PDE4B: variants seen among roughly 807,000 people sequenced by gnomAD.
The protein encoded by PDE4B is 3',5'-cyclic-AMP phosphodiesterase 4B.
In PDE4B, 20 loss-of-function variants were observed where a neutral mutation model predicts 82.2. That is an observed-to-expected ratio of 0.24 (90% CI 0.17 to 0.35). The LOEUF (loss-of-function observed/expected upper bound fraction) is 0.35, where lower values mean the gene tolerates loss of function less well. Ranked by LOEUF, PDE4B falls within the 10% of genes least tolerant of loss-of-function variation. The probability of loss-of-function intolerance (pLI) is 1.00; values close to 1 mark genes in which losing one functional copy is unlikely to be tolerated. For synonymous variants in PDE4B, 320 were observed against 318.9 expected, an observed-to-expected ratio of 1.00 and a Z score of -0.04; for missense variants, 655 against 907.2, an observed-to-expected ratio of 0.72 and a Z score of 3.57.
intron 3 of PDE4B, among the ~76,000 whole-genome samples, chr1:65,921,804 C>T (rs17451403): frequency 0.18 from 26,865 of 152,090 alleles, 3,018 homozygotes; most frequent in South Asian, 0.24. Context: ...ATCTCTAAGA[C>T]GTGATCCTAG....
chr1:66,198,225 T>G (rs1363944633), intron 3 of PDE4B, among the ~76,000 whole-genome samples: 1 of 152,188 alleles, frequency 6.6e-6, no homozygotes, highest in Non-Finnish European at 1.5e-5. Flanking sequence ...AAATCATTTC[T>G]TAAACCTAAT....
chr1:65,865,745 G>A (rs1002731469), intron 1 of PDE4B, among the ~76,000 whole-genome samples: 5 of 152,142 alleles, frequency 3.3e-5, no homozygotes, highest in African/African-American at 4.8e-5. Flanking sequence ...GATGAACTGG[G>A]TACCTCAGTT....
At chr1:66,361,516 G>T in intron 9 of PDE4B, 99 bp from the exon 10 acceptor site, 1 of 869,498 alleles carries the variant, frequency 1.2e-6, no homozygotes, top group Non-Finnish European at 1.8e-6. Context: ...TATTTTATAA[G>T]ATTCTAAAGC....
intron 7 of PDE4B, among the ~76,000 whole-genome samples, chr1:66,323,237 A>G (rs1331280829): frequency 2.6e-5 from 4 of 152,092 alleles, no homozygotes; most frequent in East Asian, 1.9e-4. Flanking sequence ...GTTCATGAGC[A>G]TACTCTGATG....
At chr1:65,982,238 G>C (rs1319054876) in intron 3 of PDE4B, among the ~76,000 whole-genome samples, 1 of 152,180 alleles carries the variant, frequency 6.6e-6, no homozygotes, top group Non-Finnish European at 1.5e-5. Flanking sequence ...TGGCCTACTT[G>C]TGTTCTAGTT....
At chr1:66,201,257 A>C (rs1164468936) in intron 3 of PDE4B, among the ~76,000 whole-genome samples, 1 of 152,200 alleles carries the variant, frequency 6.6e-6, no homozygotes, top group Non-Finnish European at 1.5e-5. Context: ...CCAGTATTTT[A>C]CTGAGGATTT....
intron 3 of PDE4B, among the ~76,000 whole-genome samples, chr1:65,934,554 G>A (rs1435668906): frequency 6.6e-6 from 1 of 152,176 alleles, no homozygotes; most frequent in African/African-American, 2.4e-5. Context: ...ACTTTACATA[G>A]ACATGGATTA....
chr1:65,914,624 G>T (rs1647138143), intron 2 of PDE4B, among the ~76,000 whole-genome samples: 1 of 148,564 alleles, frequency 6.7e-6, no homozygotes, highest in East Asian at 2.0e-4. Flanking sequence ...AAAAAGGCTT[G>T]TGATTGTCCC....
In PDE4B at chr1:66,275,764, C is replaced by A. The variant is rs546633601; in HGVS notation, c.634+9677C>A. Among the ~76,000 whole-genome samples, 14 of 152,240 alleles carry A rather than the reference C, an allele frequency of 9.2e-5. No homozygotes were observed. In the East Asian group the frequency reaches 2.5e-3, roughly 27 times the overall value. On this transcript the variant is annotated intron_variant, in intron 7 of 16. Transcript: ENST00000341517. The stretch of plus-strand genomic sequence containing the variant: ...AAGCCAGGAGCATTTCAGGGAACAG[C>A]CTTTCACCCAAGAGGAGGGAAACAA...
At chr1:66,128,357 T>A (rs574926726) in intron 3 of PDE4B, among the ~76,000 whole-genome samples, 2 of 152,378 alleles carry the variant, frequency 1.3e-5, no homozygotes, top group Non-Finnish European at 2.9e-5. Flanking sequence ...GTAATTTTCA[T>A]TGTATTGAAT....
intron 3 of PDE4B, among the ~76,000 whole-genome samples, chr1:66,148,882 C>A (rs1331171455): frequency 6.6e-6 from 1 of 152,040 alleles, no homozygotes; most frequent in African/African-American, 2.4e-5. Flanking sequence ...ATGGCTACAC[C>A]ATATTTTGTT....
At chr1:66,337,711 C>T (rs1327177869) in intron 8 of PDE4B, among the ~76,000 whole-genome samples, 1 of 152,180 alleles carries the variant, frequency 6.6e-6, no homozygotes, top group Non-Finnish European at 1.5e-5. Flanking sequence ...TATATTTAGA[C>T]TTACAGTGTG....
chr1:66,150,663 C>T (rs923629123), intron 3 of PDE4B, among the ~76,000 whole-genome samples: 1 of 152,170 alleles, frequency 6.6e-6, no homozygotes, highest in African/African-American at 2.4e-5. Context: ...ATGATAGTGG[C>T]TGTGGGTTTT....
At chr1:65,831,566 A>T (rs1646081923) in intron 1 of PDE4B, among the ~76,000 whole-genome samples, 1 of 152,154 alleles carries the variant, frequency 6.6e-6, no homozygotes, top group Non-Finnish European at 1.5e-5. Context: ...GGCTCAGTTT[A>T]TTTCACTGGC....
chr1:66,241,443 GATAA>G (rs1017644580), intron 3 of PDE4B, among the ~76,000 whole-genome samples: 2 of 152,162 alleles, frequency 1.3e-5, no homozygotes, highest in African/African-American at 4.8e-5. Context: ...TAAGTAAATG[GATAA>G]ATATTTATTT....
chr1:66,119,823 G>T (rs923681119), intron 3 of PDE4B, among the ~76,000 whole-genome samples: 2 of 152,038 alleles, frequency 1.3e-5, no homozygotes, highest in Non-Finnish European at 2.9e-5. Context: ...AATATGACTG[G>T]TATCTTTTAA....
intron 3 of PDE4B, among the ~76,000 whole-genome samples, chr1:66,176,411 A>G (rs1483103496): frequency 6.6e-6 from 1 of 152,222 alleles, no homozygotes; most frequent in Non-Finnish European, 1.5e-5. Context: ...CTGTTGTGCC[A>G]ATCACAGTGA....
chr1:65,926,559 T>C (rs1647512475), intron 3 of PDE4B, among the ~76,000 whole-genome samples: 1 of 152,210 alleles, frequency 6.6e-6, no homozygotes, highest in South Asian at 2.1e-4. Context: ...TTGAGTAAAA[T>C]GTTTGCTTAT....
intron 3 of PDE4B, among the ~76,000 whole-genome samples, chr1:65,966,253 A>C (rs1649823677): frequency 1.3e-5 from 2 of 152,160 alleles, no homozygotes; most frequent in African/African-American, 4.8e-5. Flanking sequence ...ATACACCAAT[A>C]ATAGACAAAC....
Sources: gnomAD v4.1 joint callset for allele counts (sites outside exome capture counted in the v4.1 genomes callset) on GRCh38, gnomAD v4.1.1 for gene constraint, MANE v1.5 for transcripts, NCBI Gene and HGNC (gene_info 2026-07-23, HGNC 2026-07-21) for gene names.